Variants in POFUT3 observed in about 807,000 individuals in gnomAD.
The protein encoded by POFUT3 is GDP-fucose protein O-fucosyltransferase 3.
the POFUT3 span, among the ~76,000 whole-genome samples, chr8:33,471,765 AAC>A: frequency 3.3e-5 from 5 of 152,182 alleles, no homozygotes; most frequent in African/African-American, 1.2e-4. Flanking sequence ...AAGCAATAAC[AAC>A]ACAGTAAAAG....
the POFUT3 span, among the ~76,000 whole-genome samples, chr8:33,410,879 G>C: frequency 1.5e-4 from 23 of 152,090 alleles, no homozygotes; most frequent in Non-Finnish European, 1.5e-5. Context: ...GTACACGGGG[G>C]CCCCAACACA....
At chr8:33,442,190 C>T in the POFUT3 span, among the ~76,000 whole-genome samples, 3 of 152,170 alleles carry the variant, frequency 2.0e-5, no homozygotes, top group Non-Finnish European at 2.9e-5. Flanking sequence ...TTATCTCGAA[C>T]TCCTGACCTT....
At chr8:33,369,200 T>C in the POFUT3 span, among the ~76,000 whole-genome samples, 3 of 152,234 alleles carry the variant, frequency 2.0e-5, no homozygotes, top group East Asian at 5.8e-4. Flanking sequence ...CACAAGGAGG[T>C]TGGATATTAT....
the POFUT3 span, chr8:33,453,590 G>A: frequency 8.2e-7 from 1 of 1,218,352 alleles, no homozygotes; most frequent in Non-Finnish European, 1.2e-6. Context: ...TGATGATTTA[G>A]CCCCTGACTC....
At chr8:33,390,726 A>T in the POFUT3 span, among the ~76,000 whole-genome samples, 1 of 152,170 alleles carries the variant, frequency 6.6e-6, no homozygotes, top group Non-Finnish European at 1.5e-5. Context: ...TATGTTACAG[A>T]CCACTGCAGG....
chr8:33,386,581 C>T, the POFUT3 span, among the ~76,000 whole-genome samples: 10 of 152,078 alleles, frequency 6.6e-5, no homozygotes, highest in South Asian at 1.5e-3. Context: ...GAGGCTGAGG[C>T]GGGAGGATCA....
the POFUT3 span, chr8:33,453,135 T>C: frequency 7.2e-7 from 1 of 1,396,342 alleles, no homozygotes; most frequent in Non-Finnish European, 1.0e-6. Context: ...AGCTCCACCA[T>C]CACTTTTCAG....
At chr8:33,406,949 A>G in the POFUT3 span, among the ~76,000 whole-genome samples, 6 of 152,172 alleles carry the variant, frequency 3.9e-5, no homozygotes, top group African/African-American at 1.4e-4. Flanking sequence ...AACTAACAAG[A>G]AGAACAAAGG....
At chr8:33,436,533 G>T in the POFUT3 span, 1 of 1,070,578 alleles carries the variant, frequency 9.3e-7, no homozygotes, top group Non-Finnish European at 1.4e-6. Context: ...GCTTGTGATG[G>T]TGCAGGTTGC....
chr8:33,430,467 A>T, the POFUT3 span, among the ~76,000 whole-genome samples: 1 of 152,168 alleles, frequency 6.6e-6, no homozygotes, highest in Non-Finnish European at 1.5e-5. Flanking sequence ...GAAAATAAAA[A>T]CTAGGGTTTA....
chr8:33,461,080 G>A, the POFUT3 span, among the ~76,000 whole-genome samples: 5 of 151,552 alleles, frequency 3.3e-5, no homozygotes, highest in South Asian at 2.1e-4. Flanking sequence ...GCTTGAACCC[G>A]GGAGGCAGAG....
the POFUT3 span, chr8:33,461,348 C>G: frequency 6.3e-7 from 1 of 1,594,464 alleles, no homozygotes; most frequent in East Asian, 2.2e-5. Context: ...GCTATCAACA[C>G]TACACAACCC....
chr8:33,386,000 C>T, the POFUT3 span, among the ~76,000 whole-genome samples: 1 of 151,778 alleles, frequency 6.6e-6, no homozygotes, highest in Non-Finnish European at 1.5e-5. Flanking sequence ...TCAGCCTGGT[C>T]AACATGGCGG....
At chr8:33,380,189 C>CTATATATATATACTATATATATATACTA in the POFUT3 span, among the ~76,000 whole-genome samples, 13 of 39,896 alleles carry the variant, frequency 3.3e-4, no homozygotes, top group Non-Finnish European at 4.8e-4. Context: ...TATATATATA[C>CTATATATATATACTATATATATATACTA]TATATATATA....
chr8:33,340,057 G>A, the POFUT3 span, among the ~76,000 whole-genome samples: 4 of 152,192 alleles, frequency 2.6e-5, no homozygotes, highest in East Asian at 7.7e-4. Context: ...CTAAATGTAT[G>A]TTGAGGAAAT....
chr8:33,436,654 C>T, the POFUT3 span: 25 of 857,412 alleles, frequency 2.9e-5, 1 homozygote, highest in Middle Eastern at 2.3e-4. Context: ...GCGAATCTCC[C>T]GCTGTGTAGC....
At chr8:33,339,151 A>G in the POFUT3 span, among the ~76,000 whole-genome samples, 3 of 152,252 alleles carry the variant, frequency 2.0e-5, no homozygotes, top group South Asian at 6.2e-4. Flanking sequence ...TAATGCTCCA[A>G]TGAGCTATAC....
the POFUT3 span, among the ~76,000 whole-genome samples, chr8:33,429,354 A>G: frequency 1.3e-5 from 2 of 152,128 alleles, no homozygotes; most frequent in Non-Finnish European, 2.9e-5. Context: ...AGTCACTATT[A>G]TCTCTGCAAA....
chr8:33,313,319 GGTAA>G, the POFUT3 span, among the ~76,000 whole-genome samples: 4 of 152,070 alleles, frequency 2.6e-5, no homozygotes, highest in African/African-American at 9.7e-5. Flanking sequence ...TATGAATGGT[GGTAA>G]GTTTTTCTTT....
Sources: allele counts gnomAD v4.1 joint callset (sites outside exome capture counted in the v4.1 genomes callset), GRCh38; gene constraint gnomAD v4.1.1; transcripts MANE v1.5; gene names NCBI Gene and HGNC (gene_info 2026-07-23, HGNC 2026-07-21).